NAT10: variants seen among roughly 807,000 people sequenced by gnomAD.
NAT10 encodes RNA cytidine acetyltransferase.
In NAT10, 109 loss-of-function variants were observed where a neutral mutation model predicts 132.2. That is an observed-to-expected ratio of 0.82 (90% CI 0.71 to 0.97). The LOEUF is 0.97. Among genes scored for constraint, NAT10 ranks in the 50% least tolerant of loss-of-function variants. NAT10 has a pLI of 0.00. For missense variants in NAT10, 1,184 were observed against 1,263.4 expected (o/e 0.94, Z 0.95); for synonymous variants, 479 against 478.0 (o/e 1.00, Z -0.03).
chr11:34,139,541 G>T (rs780827728), intron 23 of NAT10, 46 bp downstream of exon 23: 1 of 1,524,304 alleles, frequency 6.6e-7, no homozygotes, highest in Non-Finnish European at 9.1e-7. Context: ...TGGCTTGGCT[G>T]TGTGGGAGGT....
At chr11:34,126,047 A>G (rs1423561399) in intron 11 of NAT10, among the ~76,000 whole-genome samples, 1 of 152,324 alleles carries the variant, frequency 6.6e-6, no homozygotes, top group African/African-American at 2.4e-5. Flanking sequence ...AGCAAAGCAG[A>G]ACATCTTATT....
Position 34,118,147 on chromosome 11 carries a change from C to G in NAT10, c.558-33C>G, listed in dbSNP as rs551675233. 22 of 1,544,172 alleles carry G rather than the reference C, an allele frequency of 1.4e-5. No individual in the cohort carries two copies. In the African/African-American group the frequency reaches 2.6e-4, roughly 18 times the overall value. On this transcript the variant is annotated intron_variant, in intron 6 of 28. Coordinates refer to ENST00000257829, the MANE Select transcript of NAT10 (RefSeq NM_024662.3). ...TCTGTATAGACATTGCATGCCCTCC[C>G]CAACACTTCATTGCAGCGGTTTTGT...
intron 5 of NAT10, among the ~76,000 whole-genome samples, chr11:34,114,175 C>A (rs1204593146): frequency 6.6e-6 from 1 of 151,968 alleles, no homozygotes; most frequent in African/African-American, 2.4e-5. Flanking sequence ...TTGTGTATTG[C>A]AAAAAAAGGA....
rs1851742880 is a variant in NAT10 at position 34,113,899 on chromosome 11, C to T, written c.495+61C>T. The T allele has an allele frequency of 1.3e-5, 21 of 1,588,388 alleles. 1 individual carries two copies. The Admixed American group carries it at 3.1e-4, about 23-fold the overall frequency. On this transcript the variant is annotated intron_variant, in intron 5 of 28. Coordinates refer to ENST00000257829, the MANE Select transcript of NAT10 (RefSeq NM_024662.3). ...CAAGTAAATCTGTTTTTGCTGTGTT[C>T]TGCTTTCTTTAAAGAATTCCTGTTG...
Position 34,136,717 on chromosome 11 carries a change from C to T in NAT10, c.2104C>T (p.Pro702Ser), listed in dbSNP as rs750053373. 1.2e-6 allele frequency: 2 copies of T among 1,614,166 alleles called. No homozygotes were observed. The highest frequency in any genetic ancestry group is 8.5e-7 in the Non-Finnish European group (1 of 1,180,032). Residue 702 changes from proline (P) to serine (S), a missense_variant, in exon 20 of 29, where the codon CCT becomes TCT. Transcript: ENST00000257829. ...TTTACTCCTCAAATTGAATGAGAGG[C>T]CTGCCGAACGCCTGGATTACCTGGG... ...PPLLLKLNER[P>S]AERLDYLGVS...
intron 15 of NAT10, among the ~76,000 whole-genome samples, chr11:34,132,774 A>G (rs867154199): frequency 1.3e-5 from 2 of 152,206 alleles, no homozygotes; most frequent in African/African-American, 4.8e-5. Flanking sequence ...TGCTAAATAA[A>G]TTCTCTTCTT....
chr11:34,141,092 C>T lies in NAT10; in HGVS notation c.2596C>T (p.Leu866Phe), dbSNP rs751461455. The T allele has an allele frequency of 1.9e-6, 3 of 1,613,936 alleles. No individual in the cohort carries two copies. The South Asian group carries it at 3.3e-5, about 18-fold the overall frequency. The change falls in exon 25 of 29, where the codon CTT becomes TTT. Residue 866 changes from leucine (L) to phenylalanine (F), a missense_variant. Coordinates refer to ENST00000257829, the MANE Select transcript of NAT10 (RefSeq NM_024662.3). ...CAGCAGATTTTCCATCCTTTAGGCT[C>T]TTCTCTTGGGGATTGGCCTGCAGCA... The part of the protein sequence containing the change: ...DLALSAAQSA[L>F]LLGIGLQHKS...
intron 19 of NAT10, among the ~76,000 whole-genome samples, chr11:34,136,368 C>T (rs1393136554): frequency 6.6e-6 from 1 of 152,220 alleles, no homozygotes. Context: ...AGGCATGAGC[C>T]ACCACTCCCG....
chr11:34,121,043 G>A (rs1047007531), intron 8 of NAT10, among the ~76,000 whole-genome samples: 6 of 152,186 alleles, frequency 3.9e-5, no homozygotes, highest in African/African-American at 1.4e-4. Context: ...CTGAAGCAGG[G>A]TGAGTAGGGG....
chr11:34,127,359 C>A, intron 11 of NAT10, 104 bp from the exon 12 acceptor site: 1 of 1,255,156 alleles, frequency 8.0e-7, no homozygotes, highest in Non-Finnish European at 1.1e-6. Flanking sequence ...GAGAAGGAAA[C>A]AGGGAGAGAG....
Position 34,118,618 on chromosome 11 carries a change from T to A in NAT10, c.780+115T>A, listed in dbSNP as rs1196869971. 4.1e-6 allele frequency: 3 copies of A among 731,260 alleles called. No individual in the cohort carries two copies. In the Admixed American group the frequency reaches 8.7e-5, roughly 21 times the overall value. The allele number at this position is 731,260 out of a possible 1,614,324, so 45.3% of individuals were successfully genotyped here. A position where few individuals can be genotyped will look rare whatever the true frequency, so the allele number is the denominator to read the frequency against. On this transcript the variant is annotated intron_variant, in intron 8 of 28. Transcript: ENST00000257829. ...CCAGACCCTCCCTGGAGAAGGGGAC[T>A]TTTCCCCTTGCTCATACTCGTGTGT... is the stretch of plus-strand genomic sequence containing the variant.
At chr11:34,125,986 A>G (rs902537519) in intron 11 of NAT10, among the ~76,000 whole-genome samples, 14 of 152,180 alleles carry the variant, frequency 9.2e-5, no homozygotes, top group African/African-American at 3.4e-4. Context: ...GTCTCAAAAA[A>G]TGAAAAAAAG....
Position 34,113,776 on chromosome 11 carries a change from GGGCTAGT to G in NAT10, c.436_442del (p.Leu146SerfsTer7). 6.2e-7 allele frequency: 1 copy of G among 1,614,130 alleles called. No individual in the cohort carries two copies. Among genetic ancestry groups the G allele is most frequent in the Non-Finnish European group, 8.5e-7 (1 of 1,180,004 alleles). ...GACTGTAGAAACAGTGGAAGGTGGTGGGCTAGTGGTCATCCTCCTACGGACCATGAAC... is the reference window on the plus strand; with the variant it reads ...GACTGTAGAAACAGTGGAAGGTGGTGGGTCATCCTCCTACGGACCATGAAC... On this transcript the variant is annotated frameshift_variant, in exon 5 of 29. Coordinates refer to ENST00000257829, the MANE Select transcript of NAT10 (RefSeq NM_024662.3). LOFTEE classifies it high-confidence loss of function.
intron 16 of NAT10, among the ~76,000 whole-genome samples, chr11:34,133,833 G>T (rs146402283): frequency 6.6e-6 from 1 of 152,192 alleles, no homozygotes; most frequent in Middle Eastern, 3.4e-3. Context: ...GTAACATGGG[G>T]CCTGGTAATT....
At chr11:34,143,574 G>A (rs1488066245) in intron 28 of NAT10, 46 bp downstream of exon 28, 2 of 1,529,814 alleles carry the variant, frequency 1.3e-6, no homozygotes, top group East Asian at 2.3e-5. Context: ...GAGGCATTCT[G>A]GCCTCTCTGC....
intron 25 of NAT10, among the ~76,000 whole-genome samples, 158 bp from the exon 26 acceptor site, chr11:34,141,561 A>G (rs1852332492): frequency 6.6e-6 from 1 of 152,132 alleles, no homozygotes; most frequent in African/African-American, 2.4e-5. Context: ...TGTGTTCTTC[A>G]GCTCTTCCCG....
chr11:34,130,631 A>C (rs941070573), intron 12 of NAT10, among the ~76,000 whole-genome samples, 182 bp from the exon 13 acceptor site: 5 of 152,216 alleles, frequency 3.3e-5, no homozygotes, highest in African/African-American at 4.8e-5. Context: ...AAGCTCAGCC[A>C]CCGTGCCACC....
intron 12 of NAT10, among the ~76,000 whole-genome samples, chr11:34,129,029 A>G (rs1590772574): frequency 6.6e-6 from 1 of 152,024 alleles, no homozygotes; most frequent in Admixed American, 6.6e-5. Flanking sequence ...ACCACATTTT[A>G]TTTTTCCATT....
Position 34,108,207 on chromosome 11 carries a change from T to C in NAT10, c.-15-4T>C. 6.3e-7 allele frequency: 1 copy of C among 1,594,672 alleles called. No homozygotes were observed. Among genetic ancestry groups the C allele is most frequent in the Admixed American group, 1.7e-5 (1 of 59,956 alleles). ...ATGGCCAGTTGTATTTCTTTCTCTT[T>C]TAGTAATAATTTTTCACCATGCATC... On this transcript the variant is annotated splice_region_variant and splice_polypyrimidine_tract_variant and intron_variant, in intron 1 of 28. Transcript: ENST00000257829.
Sources: allele counts gnomAD v4.1 joint callset (sites outside exome capture counted in the v4.1 genomes callset), GRCh38; gene constraint gnomAD v4.1.1; transcripts MANE v1.5; gene names NCBI Gene and HGNC (gene_info 2026-07-23, HGNC 2026-07-21).